OGG1: variants seen among roughly 807,000 people sequenced by gnomAD.
OGG1 encodes the protein N-glycosylase/DNA lyase.
A neutral mutation model predicts 42.3 loss-of-function variants in OGG1; 35 were observed. That is an observed-to-expected ratio of 0.83 (90% CI 0.63 to 1.10). OGG1 has a LOEUF of 1.10. OGG1 is among the 50% of genes least tolerant of loss of function. OGG1 has a pLI of 0.00. For missense variants in OGG1, 484 were observed against 446.7 expected (o/e 1.08, Z -0.75); for synonymous variants, 189 against 179.0 (o/e 1.06, Z -0.44).
chr3:9,759,726 A>T, downstream of OGG1: 1 of 1,614,140 alleles, frequency 6.2e-7, no homozygotes, highest in Non-Finnish European at 8.5e-7. Flanking sequence ...GTCCTTCTCC[A>T]TCAAGTGCCG....
chr3:9,781,920 C>T (rs2078478839), intron 3 of OGG1, among the ~76,000 whole-genome samples: 1 of 150,176 alleles, frequency 6.7e-6, no homozygotes, highest in African/African-American at 2.5e-5. Flanking sequence ...CTCACTGCAG[C>T]CTCTACCTCC....
intron 3 of OGG1, 69 bp downstream of exon 3, chr3:9,752,018 T>G: frequency 6.7e-7 from 1 of 1,489,282 alleles, no homozygotes; most frequent in African/African-American, 1.4e-5. Flanking sequence ...TCTCCCCTGG[T>G]TACCTTCTCA....
chr3:9,752,191 A>G (rs1171933753), intron 3 of OGG1: 4 of 575,246 alleles, frequency 7.0e-6, no homozygotes, highest in Non-Finnish European at 1.2e-5. Context: ...AAATATCTGT[A>G]TACAATGTAC....
downstream of OGG1, chr3:9,760,509 AG>A (rs1025896491): frequency 3.4e-5 from 24 of 696,468 alleles, no homozygotes; most frequent in Non-Finnish European, 5.4e-5. Context: ...AGAAGGAAGA[AG>A]GGGTAGGGTG....
downstream of OGG1, among the ~76,000 whole-genome samples, chr3:9,788,824 G>C (rs1048282206): frequency 6.6e-6 from 1 of 151,522 alleles, no homozygotes; most frequent in African/African-American, 2.4e-5. Context: ...ACAGGCGTGA[G>C]GTGACTTTTA....
chr3:9,789,537 G>T, downstream of OGG1: 1 of 1,614,120 alleles, frequency 6.2e-7, no homozygotes, highest in Non-Finnish European at 8.5e-7. Context: ...ATCTTCTGGG[G>T]GCTTCAGTAA....
chr3:9,788,956 C>A (rs893402060), downstream of OGG1, among the ~76,000 whole-genome samples: 1 of 152,050 alleles, frequency 6.6e-6, no homozygotes, highest in African/African-American at 2.4e-5. Flanking sequence ...CTGACTCAGC[C>A]TCCCGAGTAG....
Position 9,757,052 on chromosome 3 carries a change from C to T in OGG1, c.949-9C>T, listed in dbSNP as rs755757445. 3.1e-6 allele frequency: 5 copies of T among 1,614,108 alleles called. No individual in the cohort carries two copies. Among genetic ancestry groups the T allele is most frequent in the Non-Finnish European group, 3.4e-6 (4 of 1,180,046 alleles). On this transcript the variant is annotated splice_polypyrimidine_tract_variant and intron_variant, in intron 6 of 6. Coordinates refer to ENST00000344629, the MANE Select transcript of OGG1 (RefSeq NM_002542.6). The surrounding 1 kb of genome is among the most constrained non-coding windows in gnomAD (Gnocchi z 4.5). ...CCCTCCTCCCCACACAGACTCCACCCTCCTACAGGTGCTGTTCAGTGCCGA... is the reference window on the plus strand; with the variant it reads ...CCCTCCTCCCCACACAGACTCCACCTTCCTACAGGTGCTGTTCAGTGCCGA...
In OGG1 at chr3:9,787,721, T is replaced by C. The variant is rs1225984781; in HGVS notation, c.383-7T>C. 5 of 1,303,172 alleles carry C rather than the reference T, an allele frequency of 3.8e-6. No individual in the cohort carries two copies. In the Admixed American group the frequency reaches 1.1e-4, roughly 30 times the overall value. The allele number at this position is 1,303,172 out of a possible 1,614,324, so 80.7% of individuals were successfully genotyped here. On this transcript the variant is annotated splice_region_variant and splice_polypyrimidine_tract_variant and intron_variant, in intron 3 of 3. Transcript: ENST00000426518. ...ATTTACTGCTGTCTGTATGAACTCT[T>C]TTTCAGATAAATTTTTAAGAAATCA...
At chr3:9,778,602 G>A (rs1228470089) in intron 2 of OGG1, among the ~76,000 whole-genome samples, 1 of 152,124 alleles carries the variant, frequency 6.6e-6, no homozygotes, top group Non-Finnish European at 1.5e-5. Flanking sequence ...TTTCCCCATG[G>A]GAGGAGAGCA....
At chr3:9,782,742 G>T (rs1446410871) in intron 3 of OGG1, among the ~76,000 whole-genome samples, 2 of 144,374 alleles carry the variant, frequency 1.4e-5, no homozygotes, top group South Asian at 2.2e-4. Context: ...AGTGAGCCGA[G>T]ATCATGGCAC....
chr3:9,781,461 G>C, intron 2 of OGG1: 1 of 449,588 alleles, frequency 2.2e-6, no homozygotes, highest in South Asian at 1.6e-5. Context: ...GTGAGGGGGA[G>C]ATCTGGAGCA....
chr3:9,773,242 A>G (rs2078323537), intron 2 of OGG1, among the ~76,000 whole-genome samples: 1 of 151,808 alleles, frequency 6.6e-6, no homozygotes, highest in Admixed American at 6.6e-5. Context: ...AAAAAAAAAA[A>G]AAAGTGGCTG....
At chr3:9,756,922 CCT>C (rs2077596006) in intron 6 of OGG1, 106 bp downstream of exon 6, 5 of 1,612,036 alleles carry the variant, frequency 3.1e-6, no homozygotes, top group African/African-American at 2.7e-5. Context: ...TCCAGCCACC[CCT>C]GTCCCAACCC....
downstream of OGG1, among the ~76,000 whole-genome samples, chr3:9,788,832 TTA>T: frequency 6.6e-6 from 1 of 151,610 alleles, no homozygotes; most frequent in East Asian, 1.9e-4. Context: ...GAGGTGACTT[TTA>T]TATCTTTTTT....
chr3:9,767,902 A>G (rs1279766527), downstream of OGG1: 1 of 1,330,916 alleles, frequency 7.5e-7, no homozygotes, highest in African/African-American at 1.5e-5. Context: ...CCATTTGACA[A>G]AATCATTCAA....
chr3:9,766,248 A>C (rs2078147638), exon 8 of OGG1: 3 of 711,772 alleles, frequency 4.2e-6, no homozygotes, highest in Non-Finnish European at 5.1e-6. Flanking sequence ...AAGGAAGTCC[A>C]ACCTGAGAAA....
At chr3:9,768,333 C>T (rs951472603), downstream of OGG1, among the ~76,000 whole-genome samples, 2 of 152,248 alleles carry the variant, frequency 1.3e-5, no homozygotes, top group African/African-American at 4.8e-5. Flanking sequence ...ACAACAGCCA[C>T]AGCTGGAGCT....
At chr3:9,761,133 T>A (rs541808260), downstream of OGG1, 4 of 334,878 alleles carry the variant, frequency 1.2e-5, no homozygotes, top group African/African-American at 6.3e-5. Context: ...TTGGTTTTTC[T>A]CCACAGTATT....
Sources: gnomAD v4.1 joint callset for allele counts (sites outside exome capture counted in the v4.1 genomes callset) on GRCh38, gnomAD v4.1.1 for gene constraint, Gnocchi (gnomAD v3.1) non-coding constraint, MANE v1.5 for transcripts, NCBI Gene and HGNC (gene_info 2026-07-23, HGNC 2026-07-21) for gene names.